The following ARFGEF3 variants were observed in gnomAD, a reference collection of about 807,000 sequenced individuals.
The protein encoded by ARFGEF3 is brefeldin A-inhibited guanine nucleotide-exchange protein 3.
ARFGEF3 carries 96 observed loss-of-function variants against 221.7 expected under a neutral mutation model. The ratio of observed to expected loss-of-function variants is 0.43; its 90% confidence interval spans 0.37 to 0.51. The LOEUF (loss-of-function observed/expected upper bound fraction) is 0.51. ARFGEF3 is among the 20% of genes least tolerant of loss of function. ARFGEF3 has a pLI of 0.00. For synonymous variants in ARFGEF3, 1,145 were observed against 1,126.8 expected (o/e 1.02, Z -0.32); for missense variants, 2,410 against 2,789.9 (o/e 0.86, Z 3.07).
intron 3 of ARFGEF3, among the ~76,000 whole-genome samples, chr6:138,208,844 G>A (rs947955239): frequency 2.6e-5 from 4 of 152,144 alleles, no homozygotes; most frequent in African/African-American, 7.2e-5. Flanking sequence ...TTCATTTGGA[G>A]AGAACATTTG....
chr6:138,311,132 T>C (rs1223468702), intron 24 of ARFGEF3, among the ~76,000 whole-genome samples: 1 of 152,190 alleles, frequency 6.6e-6, no homozygotes, highest in Non-Finnish European at 1.5e-5. Context: ...ATGTTGATTG[T>C]TTAGTGGAAG....
intron 32 of ARFGEF3, among the ~76,000 whole-genome samples, chr6:138,331,067 A>G (rs2114694603): frequency 6.6e-6 from 1 of 152,296 alleles, no homozygotes. Context: ...TTGCTGAAAT[A>G]TTTTTGATTT....
intron 8 of ARFGEF3, 77 bp from the exon 9 acceptor site, chr6:138,253,803 A>T: frequency 8.7e-7 from 1 of 1,147,738 alleles, no homozygotes; most frequent in South Asian, 1.3e-5. Context: ...CATTTTTCCG[A>T]GCGTGTTTCC....
rs544418424 is a variant in ARFGEF3, at chr6:138,341,599, G to A, written c.*5113G>A. The A allele has an allele frequency of 2.0e-5, 3 of 152,398 alleles. No homozygotes were observed. Among genetic ancestry groups the A allele is most frequent in the East Asian group, 3.9e-4 (2 of 5,188 alleles). The allele number at this position is 152,398 out of a possible 1,614,324, so 9.4% of individuals were successfully genotyped here. On this transcript the variant is annotated 3_prime_UTR_variant, in exon 34 of 34. Coordinates refer to ENST00000251691, the MANE Select transcript of ARFGEF3 (RefSeq NM_020340.5). ...GTCACTGGGAAAGATTTGTAAAATT[G>A]ATCAAGAACTTGATTTATAATTATG...
chr6:138,206,573 T>G (rs1296530756), intron 2 of ARFGEF3, among the ~76,000 whole-genome samples: 1 of 152,154 alleles, frequency 6.6e-6, no homozygotes, highest in Non-Finnish European at 1.5e-5. Context: ...CTAATAGAAT[T>G]TTGATGTATA....
rs1766539270 is a variant in ARFGEF3, at chr6:138,291,678, G to C, written c.3048-55G>C. 2.4e-6 allele frequency: 3 copies of C among 1,242,892 alleles called. No homozygotes were observed. The African/African-American group carries it at 4.7e-5, about 19-fold the overall frequency. The allele number at this position is 1,242,892 out of a possible 1,614,324, so 77.0% of individuals were successfully genotyped here. A position where few individuals can be genotyped will look rare whatever the true frequency, so the allele number is the denominator to read the frequency against. ...TTTGTCTGGCACTGTGGGGTTTATG[G>C]AGCTGCCGGGGTGAGCTGCAGCGCC... On this transcript the variant is annotated intron_variant, in intron 18 of 33. Coordinates refer to ENST00000251691, the MANE Select transcript of ARFGEF3 (RefSeq NM_020340.5). This position sits in a 1 kb window ranked among gnomAD's most constrained non-coding sequence, Gnocchi z 4.5.
intron 14 of ARFGEF3, among the ~76,000 whole-genome samples, chr6:138,280,418 T>A (rs1257513436): frequency 6.6e-6 from 1 of 152,230 alleles, no homozygotes; most frequent in Non-Finnish European, 1.5e-5. Flanking sequence ...CACCTTTGTC[T>A]GTTGGTGTAA....
At position 138,280,042 on chromosome 6, in the gene ARFGEF3, T is replaced by G; in HGVS notation, c.2339T>G (p.Val780Gly). 1 of 1,613,904 alleles carries G rather than the reference T, an allele frequency of 6.2e-7. No homozygotes were observed. The highest frequency in any genetic ancestry group is 1.1e-5 in the South Asian group (1 of 91,076). The change falls in exon 14 of 34, where the codon GTC (valine) becomes GGC (glycine). Residue 780 changes from valine to glycine, a missense_variant. Val to Gly is a moderately radical substitution (Grantham distance 109, BLOSUM62 -3). Around this residue, in one of 5 missense-constraint regions of ARFGEF3, gnomAD observed 594 missense variants for 734.3 expected, o/e 0.81. Coordinates refer to ENST00000251691, the MANE Select transcript of ARFGEF3 (RefSeq NM_020340.5). ...GTGCAGACCAGCGGCGTGCTGATGG[T>G]CTTCTCTCAGGCCTGGATTGAGGAG... ...KQVQTSGVLMVFSQAWIEELY... is the reference protein window; with the variant it reads ...KQVQTSGVLMGFSQAWIEELY...
In ARFGEF3 at chr6:138,238,533, A is replaced by G; in HGVS notation, c.445A>G (p.Ser149Gly). ...GGTGTGCATTGAGACGTACATAAGCAGCTGTCACCAGCGTAGCATAAACAC... is the reference window on the plus strand; with the variant it reads ...GGTGTGCATTGAGACGTACATAAGCGGCTGTCACCAGCGTAGCATAAACAC... ...AEVCIETYIS[S>G]CHQRSINTAV... Residue 149 changes from serine to glycine, a missense_variant, in exon 6 of 34, where the codon AGC becomes GGC. Ser to Gly is a moderately conservative substitution (Grantham distance 56). Around this residue, in one of 5 missense-constraint regions of ARFGEF3, gnomAD observed 570 missense variants for 586.9 expected, o/e 0.97. Transcript: ENST00000251691. 6.2e-7 allele frequency: 1 copy of G among 1,613,814 alleles called. No homozygotes were observed. The highest frequency in any genetic ancestry group is 1.1e-5 in the South Asian group (1 of 91,062).
intron 12 of ARFGEF3, among the ~76,000 whole-genome samples, chr6:138,270,163 G>A (rs1254246142): frequency 6.6e-6 from 1 of 152,090 alleles, no homozygotes; most frequent in East Asian, 1.9e-4. Context: ...AGGAGACAGG[G>A]CACATTGCAA....
At chr6:138,259,222 G>A (rs1778743493) in intron 10 of ARFGEF3, among the ~76,000 whole-genome samples, 1 of 152,178 alleles carries the variant, frequency 6.6e-6, no homozygotes, top group African/African-American at 2.4e-5. Context: ...AAACCACTGG[G>A]TACCCAGGAT....
chr6:138,246,070 G>A (rs1778481032), intron 8 of ARFGEF3, among the ~76,000 whole-genome samples: 1 of 152,200 alleles, frequency 6.6e-6, no homozygotes, highest in African/African-American at 2.4e-5. Flanking sequence ...TTTAAAAAGA[G>A]CATGTTACTC....
At position 138,278,436 on chromosome 6, in the gene ARFGEF3, C is replaced by T. The variant is rs1383198162; in HGVS notation, c.2129-15C>T. 1 of 1,612,136 alleles carries T rather than the reference C, an allele frequency of 6.2e-7. No homozygotes were observed. Among genetic ancestry groups the T allele is most frequent in the Non-Finnish European group, 8.5e-7 (1 of 1,178,994 alleles). ...CTGTTCACACCCCCAAAAGTCCCTT[C>T]ATTGTCTCCCTTAGGCATGATGCAC... On this transcript the variant is annotated splice_polypyrimidine_tract_variant and intron_variant, in intron 12 of 33. Transcript: ENST00000251691.
intron 17 of ARFGEF3, 54 bp from the exon 18 acceptor site, chr6:138,289,764 C>CT: frequency 6.4e-7 from 1 of 1,555,162 alleles, no homozygotes; most frequent in African/African-American, 1.4e-5. Flanking sequence ...CATTTTCATT[C>CT]TTTCTGTCTC....
At chr6:138,237,284 T>C (rs781337241) in intron 5 of ARFGEF3, among the ~76,000 whole-genome samples, 4 of 152,184 alleles carry the variant, frequency 2.6e-5, no homozygotes, top group Non-Finnish European at 4.4e-5. Flanking sequence ...GGATTTTCAT[T>C]GTAGATAATC....
intron 4 of ARFGEF3, among the ~76,000 whole-genome samples, chr6:138,225,034 A>G (rs1291272172): frequency 6.6e-6 from 1 of 152,156 alleles, no homozygotes; most frequent in Non-Finnish European, 1.5e-5. Flanking sequence ...GATGGTACCC[A>G]GGTTTCAAAC....
At position 138,255,595 on chromosome 6, in the gene ARFGEF3, T is replaced by A; in HGVS notation, c.930T>A (p.Thr310=). The A allele has an allele frequency of 6.2e-7, 1 of 1,614,002 alleles. No homozygotes were observed. The highest frequency in any genetic ancestry group is 1.1e-5 in the South Asian group (1 of 91,086). The change falls in exon 10 of 34, where the codon ACT becomes ACA. Residue 310 remains threonine (T), a synonymous_variant. Coordinates refer to ENST00000251691, the MANE Select transcript of ARFGEF3 (RefSeq NM_020340.5). ...DHGRGSGCSC[T]APALSGPVAR... The stretch of plus-strand genomic sequence containing the variant: ...GCCGAGGATCAGGCTGCTCCTGCAC[T>A]GCGCCGGCCCTGAGCGGACCTGTGG...
intron 6 of ARFGEF3, among the ~76,000 whole-genome samples, chr6:138,242,343 C>T (rs1020359078): frequency 6.6e-6 from 1 of 152,170 alleles, no homozygotes; most frequent in African/African-American, 2.4e-5. Context: ...TCCTATTTTC[C>T]CTTCCCTCAC....
In ARFGEF3 at chr6:138,253,913, G is replaced by T; in HGVS notation, c.699G>T (p.Glu233Asp). The T allele has an allele frequency of 6.3e-7, 1 of 1,593,988 alleles. No individual in the cohort carries two copies. The highest frequency in any genetic ancestry group is 1.1e-5 in the South Asian group (1 of 87,094). Residue 233 changes from glutamate (E) to aspartate (D), a missense_variant, in exon 9 of 34, where the codon GAG becomes GAT. Transcript: ENST00000251691. ...AGCAGCTGCAGCTTCTCTACCTGGA[G>T]TGCATCCTGTCTGTGCTCAGCAGCT... ...DSQQLQLLYL[E>D]CILSVLSSSS... is the part of the protein sequence containing the mutation.
Sources: gnomAD v4.1 joint callset for allele counts (sites outside exome capture counted in the v4.1 genomes callset) on GRCh38, gnomAD v4.1.1 for gene constraint, gnomAD v4.1.1 regional missense constraint, Gnocchi (gnomAD v3.1) non-coding constraint, MANE v1.5 for transcripts, NCBI Gene and HGNC (gene_info 2026-07-23, HGNC 2026-07-21) for gene names.